The following LRRTM4 variants were observed in gnomAD, a reference collection of about 807,000 sequenced individuals.
LRRTM4 encodes the protein leucine-rich repeat transmembrane neuronal protein 4.
LRRTM4 carries 25 observed loss-of-function variants against 47.6 expected under a neutral mutation model. The observed-to-expected ratio is 0.53, with a 90% confidence interval of 0.38 to 0.73. LRRTM4 has a LOEUF of 0.73. Among genes scored for constraint, LRRTM4 ranks in the 30% least tolerant of loss-of-function variants. The probability of loss-of-function intolerance (pLI) is 0.00; values close to 1 mark genes in which losing one functional copy is unlikely to be tolerated. For missense variants in LRRTM4, 638 were observed against 713.4 expected (o/e 0.89, Z 1.20); for synonymous variants, 311 against 269.5 (o/e 1.15, Z -1.51).
chr2:76,840,394 T>C (rs1210531794), intron 3 of LRRTM4, among the ~76,000 whole-genome samples: 4 of 152,230 alleles, frequency 2.6e-5, no homozygotes, highest in African/African-American at 7.2e-5. Flanking sequence ...TTCCCTTCTC[T>C]TGTATTTCTG....
intron 3 of LRRTM4, among the ~76,000 whole-genome samples, chr2:76,874,627 T>C (rs549829860): frequency 3.4e-4 from 51 of 151,976 alleles, no homozygotes; most frequent in Non-Finnish European, 6.2e-4. Flanking sequence ...TTTTTAGGCA[T>C]TGATCATTGA....
chr2:76,861,211 A>G (rs567003996), intron 3 of LRRTM4, among the ~76,000 whole-genome samples: 5 of 152,138 alleles, frequency 3.3e-5, no homozygotes, highest in Admixed American at 1.3e-4. Flanking sequence ...TAATAATCCA[A>G]TGTTTTGATC....
At chr2:77,048,725 G>T (rs1014150040) in intron 3 of LRRTM4, among the ~76,000 whole-genome samples, 1 of 151,864 alleles carries the variant, frequency 6.6e-6, no homozygotes, top group East Asian at 1.9e-4. Context: ...TCAATTCAGG[G>T]TAATTAGCAT....
intron 3 of LRRTM4, among the ~76,000 whole-genome samples, chr2:77,117,008 A>G (rs1442746950): frequency 1.3e-5 from 2 of 152,004 alleles, no homozygotes; most frequent in Non-Finnish European, 2.9e-5. Flanking sequence ...CTGTCTTCAT[A>G]GATTTGCCTT....
chr2:77,354,169 G>T (rs371781534), intron 3 of LRRTM4, among the ~76,000 whole-genome samples: 2 of 152,096 alleles, frequency 1.3e-5, no homozygotes, highest in East Asian at 3.9e-4. Flanking sequence ...TGGCACCAGT[G>T]GTCATGTCTT....
At chr2:77,092,956 C>G (rs1478966239) in intron 3 of LRRTM4, among the ~76,000 whole-genome samples, 4 of 147,722 alleles carry the variant, frequency 2.7e-5, no homozygotes, top group Non-Finnish European at 4.4e-5. Flanking sequence ...CTGGACAATA[C>G]TTTTCCCTTC....
chr2:76,756,462 G>T (rs1673033075), intron 3 of LRRTM4, among the ~76,000 whole-genome samples: 1 of 152,040 alleles, frequency 6.6e-6, no homozygotes, highest in South Asian at 2.1e-4. Context: ...TTTTCTCCAG[G>T]CTGTGCTCTC....
At chr2:77,051,707 T>C (rs898783584) in intron 3 of LRRTM4, among the ~76,000 whole-genome samples, 2 of 152,218 alleles carry the variant, frequency 1.3e-5, no homozygotes, top group African/African-American at 4.8e-5. Flanking sequence ...AAACCAGGTT[T>C]TGTGTAGGGC....
At chr2:76,939,436 A>C (rs889423367) in intron 3 of LRRTM4, among the ~76,000 whole-genome samples, 1 of 152,118 alleles carries the variant, frequency 6.6e-6, no homozygotes, top group African/African-American at 2.4e-5. Flanking sequence ...AAAATTACAC[A>C]GATTTTTTTG....
intron 3 of LRRTM4, among the ~76,000 whole-genome samples, chr2:77,000,309 A>AG (rs762533248): frequency 2.4e-5 from 3 of 127,626 alleles, no homozygotes; most frequent in African/African-American, 5.2e-5. Flanking sequence ...AGGGATTTCT[A>AG]GAAAAAAAAA....
At chr2:76,902,801 T>TAAAATACATTAAA (rs1673686654) in intron 3 of LRRTM4, among the ~76,000 whole-genome samples, 1 of 152,160 alleles carries the variant, frequency 6.6e-6, no homozygotes, top group African/African-American at 2.4e-5. Flanking sequence ...TTCTATTGAG[T>TAAAATACATTAAA]TGTACATTAG....
intron 3 of LRRTM4, among the ~76,000 whole-genome samples, chr2:77,412,773 A>T (rs1466840229): frequency 6.6e-6 from 1 of 152,228 alleles, no homozygotes; most frequent in African/African-American, 2.4e-5. Context: ...TGACATATAT[A>T]AAAATTAAAA....
At chr2:77,477,381 G>A (rs2104006265) in intron 3 of LRRTM4, among the ~76,000 whole-genome samples, 1 of 152,088 alleles carries the variant, frequency 6.6e-6, no homozygotes, top group African/African-American at 2.4e-5. Flanking sequence ...AATTTGTCAA[G>A]GTAAAGAGCT....
At chr2:76,779,955 T>C (rs1292573610) in intron 3 of LRRTM4, among the ~76,000 whole-genome samples, 3 of 152,050 alleles carry the variant, frequency 2.0e-5, no homozygotes, top group African/African-American at 7.2e-5. Context: ...AAGGCAGGCC[T>C]GGTGGTGACA....
intron 3 of LRRTM4, among the ~76,000 whole-genome samples, chr2:76,820,355 AG>A (rs1671018583): frequency 6.6e-6 from 1 of 151,810 alleles, no homozygotes; most frequent in African/African-American, 2.4e-5. Flanking sequence ...TCAAATTAGA[AG>A]AATAAGACTC....
intron 3 of LRRTM4, among the ~76,000 whole-genome samples, chr2:77,336,330 A>G (rs1473298893): frequency 1.3e-5 from 2 of 151,800 alleles, no homozygotes; most frequent in East Asian, 3.9e-4. Flanking sequence ...GGAAGAAAGG[A>G]AGGAAGGGGC....
chr2:77,390,254 T>A (rs894744149), intron 3 of LRRTM4, among the ~76,000 whole-genome samples: 1 of 151,964 alleles, frequency 6.6e-6, no homozygotes, highest in Admixed American at 6.6e-5. Context: ...ATAAACAACA[T>A]TTAAACACTA....
chr2:77,380,510 T>C (rs1033222123), intron 3 of LRRTM4, among the ~76,000 whole-genome samples: 2 of 152,048 alleles, frequency 1.3e-5, no homozygotes, highest in Non-Finnish European at 2.9e-5. Context: ...TTAAAACTTA[T>C]GGTAGGCCAG....
chr2:77,068,904 G>A (rs577774307), intron 3 of LRRTM4, among the ~76,000 whole-genome samples: 224 of 152,178 alleles, frequency 1.5e-3, no homozygotes, highest in Non-Finnish European at 2.5e-3. Context: ...GGTGAAAACC[G>A]CTTAAAGGCA....
Sources: gnomAD v4.1 joint callset for allele counts (sites outside exome capture counted in the v4.1 genomes callset) on GRCh38, gnomAD v4.1.1 for gene constraint, MANE v1.5 for transcripts, NCBI Gene and HGNC (gene_info 2026-07-23, HGNC 2026-07-21) for gene names.